Variants in SCUBE3 observed in about 807,000 individuals in gnomAD.
SCUBE3 encodes signal peptide, CUB domain and EGF like domain containing 3.
Under a neutral mutation model 116.8 loss-of-function variants are expected in SCUBE3, and 33 were observed. The observed-to-expected ratio is 0.28, with a 90% confidence interval of 0.21 to 0.38. The LOEUF (loss-of-function observed/expected upper bound fraction) is 0.38, where lower values mean the gene tolerates loss of function less well. SCUBE3 is among the 10% of genes least tolerant of loss of function. The pLI is 1.00. For missense variants in SCUBE3, 1,007 were observed against 1,324.8 expected (o/e 0.76, Z 3.72); for synonymous variants, 418 against 496.9 (o/e 0.84, Z 2.11).
intron 6 of SCUBE3, among the ~76,000 whole-genome samples, chr6:35,236,888 A>G (rs1328548933): frequency 2.0e-5 from 3 of 152,156 alleles, no homozygotes; most frequent in Non-Finnish European, 4.4e-5. Flanking sequence ...AGGGGCCTTC[A>G]CTGTTTGAAC....
In SCUBE3 at chr6:35,243,434, C is replaced by T. The variant is rs9469972; in HGVS notation, c.1910-160C>T. Among the ~76,000 whole-genome samples the T allele has an allele frequency of 0.68, 102,884 of 152,032 alleles. 37,943 individuals carry two copies. The highest frequency in any genetic ancestry group is 0.82 in the Non-Finnish European group (55,637 of 67,984). ...GTGGGGCCAGCAATCCTCCTGCACA[C>T]GGTTTTGACCCTCCTATCCCCCCAA... On this transcript the variant is annotated intron_variant, in intron 15 of 21. Coordinates refer to ENST00000274938, the MANE Select transcript of SCUBE3 (RefSeq NM_152753.4). The surrounding 1 kb of genome is among the most constrained non-coding windows in gnomAD (Gnocchi z 6.6).
chr6:35,251,093 C>A lies in SCUBE3; in HGVS notation c.*2388C>A, dbSNP rs1196558895. 1.3e-5 allele frequency: 2 copies of A among 151,568 alleles called. No homozygotes were observed. The highest frequency in any genetic ancestry group is 2.9e-5 in the Non-Finnish European group (2 of 67,906). 9.4% of individuals were successfully genotyped at this position (151,568 alleles called of 1,614,324 possible). On this transcript the variant is annotated 3_prime_UTR_variant, in exon 22 of 22. Coordinates refer to ENST00000274938, the MANE Select transcript of SCUBE3 (RefSeq NM_152753.4). ...GAAGCACCATGAAAACTGCTTTAAT[C>A]AACTCTGACTATCCTAATTCTCCAC...
chr6:35,245,761 G>C lies in SCUBE3; in HGVS notation c.2600-183G>C, dbSNP rs1189021418. Among the ~76,000 whole-genome samples the C allele has an allele frequency of 6.6e-6, 1 of 152,148 alleles. No individual in the cohort carries two copies. The highest frequency in any genetic ancestry group is 1.5e-5 in the Non-Finnish European group (1 of 68,020). Reference sequence around the variant, plus strand: ...AGTGCCCAGGTATCAAGGAGGAATTGTGGAATGAGCCCAGTGGGCAATGGG... The same window carrying C: ...AGTGCCCAGGTATCAAGGAGGAATTCTGGAATGAGCCCAGTGGGCAATGGG... On this transcript the variant is annotated intron_variant, in intron 19 of 21. Coordinates refer to ENST00000274938, the MANE Select transcript of SCUBE3 (RefSeq NM_152753.4). This position sits in a 1 kb window ranked among gnomAD's most constrained non-coding sequence, Gnocchi z 4.2.
In SCUBE3 at chr6:35,246,219, G is replaced by T; in HGVS notation, c.2766G>T (p.Gln922His). ...TTGACTTTGCAGAGGACTATGAGCA[G>T]CTGGTAGAAGACATTGTGCGAGATG... ...PYVTYDEDYE[Q>H]LVEDIVRDGR... Residue 922 changes from glutamine to histidine, a missense_variant, in exon 21 of 22, where the codon CAG becomes CAT. This residue lies in a region of SCUBE3 where 118 missense variants were observed against 196.6 expected (regional missense o/e 0.60). Transcript: ENST00000274938. 6.2e-7 allele frequency: 1 copy of T among 1,614,160 alleles called. No homozygotes were observed. The highest frequency in any genetic ancestry group is 2.2e-5 in the East Asian group (1 of 44,892).
intron 13 of SCUBE3, 86 bp downstream of exon 13, chr6:35,242,406 C>G: frequency 1.0e-5 from 11 of 1,070,064 alleles, no homozygotes; most frequent in Non-Finnish European, 1.4e-5. Context: ...AAAAACCCAC[C>G]AGAACCCTGA....
chr6:35,237,782 A>G, intron 6 of SCUBE3, 120 bp from the exon 7 acceptor site: 1 of 642,142 alleles, frequency 1.6e-6, no homozygotes, highest in Non-Finnish European at 2.9e-6. Context: ...TGCTCCTTCT[A>G]AAGCACAGAG....
chr6:35,239,649 CCTT>C lies in SCUBE3; in HGVS notation c.830-102_830-100del. The stretch of plus-strand genomic sequence containing the variant: ...ATCAAGAAGAGGCAGGCCCAGGACT[CCTT>C]GATTTTTGCATGTCTCTGTCAGTGA... On this transcript the variant is annotated intron_variant, in intron 7 of 21. Coordinates refer to ENST00000274938, the MANE Select transcript of SCUBE3 (RefSeq NM_152753.4). This position sits in a 1 kb window ranked among gnomAD's most constrained non-coding sequence, Gnocchi z 4.1. 9.5e-7 allele frequency: 1 copy of C among 1,048,316 alleles called. No homozygotes were observed. Among genetic ancestry groups the C allele is most frequent in the Non-Finnish European group, 1.4e-6 (1 of 697,932 alleles). The allele number at this position is 1,048,316 out of a possible 1,614,324, so 64.9% of individuals were successfully genotyped here. A position where few individuals can be genotyped will look rare whatever the true frequency, so the allele number is the denominator to read the frequency against.
chr6:35,248,358 G>C (rs935497376), intron 21 of SCUBE3, among the ~76,000 whole-genome samples, 198 bp from the exon 22 acceptor site: 5 of 152,188 alleles, frequency 3.3e-5, no homozygotes, highest in African/African-American at 1.2e-4. Context: ...CTAAGCAACA[G>C]AAGGATGGAG....
In SCUBE3 at chr6:35,243,932, C is replaced by T; in HGVS notation, c.2072-31C>T. The T allele has an allele frequency of 6.2e-7, 1 of 1,606,958 alleles. No homozygotes were observed. The highest frequency in any genetic ancestry group is 1.7e-4 in the Middle Eastern group (1 of 5,952). ...CCATGGGGATGACTCAGGACCATCC[C>T]CATCAGAGTTGGGCCCTTGATTCAT... is the stretch of plus-strand genomic sequence containing the variant. On this transcript the variant is annotated intron_variant, in intron 16 of 21. Coordinates refer to ENST00000274938, the MANE Select transcript of SCUBE3 (RefSeq NM_152753.4). The surrounding 1 kb of genome is among the most constrained non-coding windows in gnomAD (Gnocchi z 6.6).
rs1295003473 is a variant in SCUBE3 at position 35,238,029 on chromosome 6, T to G, written c.829+11T>G. 6 of 1,520,982 alleles carry G rather than the reference T, an allele frequency of 3.9e-6. No individual in the cohort carries two copies. In the African/African-American group the frequency reaches 6.8e-5, roughly 17 times the overall value. 94.2% of individuals were successfully genotyped at this position (1,520,982 alleles called of 1,614,324 possible). A position where few individuals can be genotyped will look rare whatever the true frequency, so the allele number is the denominator to read the frequency against. On this transcript the variant is annotated intron_variant, in intron 7 of 21. Transcript: ENST00000274938. Reference sequence around the variant, plus strand: ...GGAAGACGTGCAAAGGTAAGGACTTTGAGAGGACAGAAGCAGAGTGACCTT... The same window carrying G: ...GGAAGACGTGCAAAGGTAAGGACTTGGAGAGGACAGAAGCAGAGTGACCTT...
rs1200018063 is a variant in SCUBE3, at chr6:35,239,003, C to G, written c.830-749C>G. Among the ~76,000 whole-genome samples, 1 of 152,128 alleles carries G rather than the reference C, an allele frequency of 6.6e-6. No homozygotes were observed. The highest frequency in any genetic ancestry group is 1.5e-5 in the Non-Finnish European group (1 of 68,012). ...TGAAGTGAAAGGCTGCCCTCCCTGCCCCTTCCCCCAACCAGGGGTGAGTAG... is the reference window on the plus strand; with the variant it reads ...TGAAGTGAAAGGCTGCCCTCCCTGCGCCTTCCCCCAACCAGGGGTGAGTAG... On this transcript the variant is annotated intron_variant, in intron 7 of 21. Transcript: ENST00000274938. The surrounding 1 kb of genome is among the most constrained non-coding windows in gnomAD (Gnocchi z 4.1).
chr6:35,243,946 C>T lies in SCUBE3; in HGVS notation c.2072-17C>T, dbSNP rs1234310848. ...CAGGACCATCCCCATCAGAGTTGGG[C>T]CCTTGATTCATTGCAGGTCAGTGCC... On this transcript the variant is annotated splice_polypyrimidine_tract_variant and intron_variant, in intron 16 of 21. Transcript: ENST00000274938. The surrounding 1 kb of genome is among the most constrained non-coding windows in gnomAD (Gnocchi z 6.6). 6.2e-7 allele frequency: 1 copy of T among 1,611,192 alleles called. No individual in the cohort carries two copies. The highest frequency in any genetic ancestry group is 8.5e-7 in the Non-Finnish European group (1 of 1,178,222).
Position 35,237,966 on chromosome 6 carries a change from C to G in SCUBE3, c.777C>G (p.His259Gln). 1 of 1,613,166 alleles carries G rather than the reference C, an allele frequency of 6.2e-7. No homozygotes were observed. The highest frequency in any genetic ancestry group is 1.1e-5 in the South Asian group (1 of 91,036). ...SKCHDAATGV[H>Q]CTCPVGFMLQ... ...GCCATGATGCAGCGACTGGTGTCCA[C>G]TGCACCTGCCCTGTGGGCTTCATGC... Residue 259 changes from histidine to glutamine, a missense_variant, in exon 7 of 22, where the codon CAC becomes CAG. By Grantham distance (24) the His-to-Gln change is conservative (BLOSUM62 0). Around this residue, in one of 5 missense-constraint regions of SCUBE3, gnomAD observed 214 missense variants for 316.7 expected, o/e 0.68. Coordinates refer to ENST00000274938, the MANE Select transcript of SCUBE3 (RefSeq NM_152753.4).
chr6:35,239,609 A>AAGAGAC lies in SCUBE3; in HGVS notation c.830-137_830-132dup. The stretch of plus-strand genomic sequence containing the variant: ...GAGAGAGACAGGAAAGAGAAAGAGA[A>AAGAGAC]AGAGACAGAGAGAGATCAAGAAGAG... On this transcript the variant is annotated intron_variant, in intron 7 of 21. Transcript: ENST00000274938. This position sits in a 1 kb window ranked among gnomAD's most constrained non-coding sequence, Gnocchi z 4.1. 1 of 697,494 alleles carries AAGAGAC rather than the reference A, an allele frequency of 1.4e-6. No individual in the cohort carries two copies. Among genetic ancestry groups the AAGAGAC allele is most frequent in the South Asian group, 1.8e-5 (1 of 54,296 alleles). 43.2% of individuals were successfully genotyped at this position (697,494 alleles called of 1,614,324 possible).
At position 35,219,637 on chromosome 6, in the gene SCUBE3, G is replaced by A. The variant is rs1783049333; in HGVS notation, c.85+5134G>A. On this transcript the variant is annotated intron_variant, in intron 1 of 21. Coordinates refer to ENST00000274938, the MANE Select transcript of SCUBE3 (RefSeq NM_152753.4). This position sits in a 1 kb window ranked among gnomAD's most constrained non-coding sequence, Gnocchi z 4.7. The stretch of plus-strand genomic sequence containing the variant: ...CTGCAGGGCTGGAGGGAAGATCCAG[G>A]ATAAGGAAACACATCTAAGGAATCC... 6.6e-6 allele frequency among the ~76,000 whole-genome samples: 1 copy of A among 152,046 alleles called. No individual in the cohort carries two copies. The highest frequency in any genetic ancestry group is 1.5e-5 in the Non-Finnish European group (1 of 68,012).
chr6:35,238,896 G>C (rs571613104), intron 7 of SCUBE3, among the ~76,000 whole-genome samples: 6 of 152,088 alleles, frequency 3.9e-5, no homozygotes, highest in Non-Finnish European at 5.9e-5. Flanking sequence ...GCGAGAGGAG[G>C]GGGGAGGCTA....
At position 35,252,504 on chromosome 6, in the gene SCUBE3, G is replaced by C. The variant is rs1390586152; in HGVS notation, c.*3799G>C. On this transcript the variant is annotated 3_prime_UTR_variant, in exon 22 of 22. Transcript: ENST00000274938. ...AACGTTATAGAGCACTCGAACTTTT[G>C]TATTTGCTGCTTAACCTCAATATTA... The C allele has an allele frequency of 1.3e-5, 2 of 152,196 alleles. No individual in the cohort carries two copies. The highest frequency in any genetic ancestry group is 2.4e-5 in the African/African-American group (1 of 41,450). 9.4% of individuals were successfully genotyped at this position (152,196 alleles called of 1,614,324 possible).
Position 35,228,807 on chromosome 6 carries a change from T to A in SCUBE3, c.334+68T>A. The A allele has an allele frequency of 1.3e-6, 2 of 1,519,656 alleles. No individual in the cohort carries two copies. Among genetic ancestry groups the A allele is most frequent in the Non-Finnish European group, 9.1e-7 (1 of 1,096,984 alleles). 94.1% of individuals were successfully genotyped at this position (1,519,656 alleles called of 1,614,324 possible). On this transcript the variant is annotated intron_variant, in intron 3 of 21. Coordinates refer to ENST00000274938, the MANE Select transcript of SCUBE3 (RefSeq NM_152753.4). This position sits in a 1 kb window ranked among gnomAD's most constrained non-coding sequence, Gnocchi z 4.9. Reference sequence around the variant, plus strand: ...AGAAAGAGATCTTTTCAGCATTTCCTATTTCCCAGGGAAGGAGGAGAGAGT... The same window carrying A: ...AGAAAGAGATCTTTTCAGCATTTCCAATTTCCCAGGGAAGGAGGAGAGAGT...
Position 35,244,174 on chromosome 6 carries a change from C to T in SCUBE3, c.2239+44C>T, listed in dbSNP as rs751999613. ...TCCCTGGGGGATGCCCCAACCCCAA[C>T]TACTCCCAAAAAACTCTCCAATTTC... On this transcript the variant is annotated intron_variant, in intron 17 of 21. Transcript: ENST00000274938. This position sits in a 1 kb window ranked among gnomAD's most constrained non-coding sequence, Gnocchi z 4.3. The T allele has an allele frequency of 6.5e-7, 1 of 1,545,644 alleles. No homozygotes were observed. The highest frequency in any genetic ancestry group is 8.8e-7 in the Non-Finnish European group (1 of 1,131,688).
Sources: allele counts gnomAD v4.1 joint callset (sites outside exome capture counted in the v4.1 genomes callset), GRCh38; gene constraint gnomAD v4.1.1; regional missense constraint gnomAD v4.1.1; non-coding constraint Gnocchi (gnomAD v3.1); transcripts MANE v1.5; gene names NCBI Gene and HGNC (gene_info 2026-07-23, HGNC 2026-07-21).